The following KSR1 variants were observed in gnomAD, a reference collection of about 807,000 sequenced individuals.
KSR1 encodes the protein kinase suppressor of ras 1.
KSR1 carries 35 observed loss-of-function variants against 92.9 expected under a neutral mutation model. That is an observed-to-expected ratio of 0.38 (90% CI 0.29 to 0.50). KSR1 has a LOEUF of 0.50. Among genes scored for constraint, KSR1 ranks in the 20% least tolerant of loss-of-function variants. The pLI, the probability that KSR1 is intolerant of heterozygous loss-of-function variation, is 0.94. For missense variants in KSR1, 972 were observed against 1,158.5 expected (o/e 0.84, Z 2.34); for synonymous variants, 467 against 472.6 (o/e 0.99, Z 0.15).
At chr17:27,499,461 GAATTC>G (rs2150977480) in intron 1 of KSR1, among the ~76,000 whole-genome samples, 1 of 152,322 alleles carries the variant, frequency 6.6e-6, no homozygotes, top group South Asian at 2.1e-4. Flanking sequence ...AGGAAAACGT[GAATTC>G]CAGAAACTAT....
intron 1 of KSR1, among the ~76,000 whole-genome samples, chr17:27,508,439 A>C (rs1717557255): frequency 6.6e-6 from 1 of 152,180 alleles, no homozygotes; most frequent in African/African-American, 2.4e-5. Context: ...TCAAGGGCCT[A>C]AGTTGTAACA....
Position 27,605,800 on chromosome 17 carries a change from G to A in KSR1, c.1981G>A (p.Ala661Thr). ...MGACMNPPHL[A>T]IITSFCKGRT... ...GGCCTGCATGAACCCGCCCCACCTG[G>A]CCATTATCACCAGGTAACCAAGCCC... The change falls in exon 14 of 21, where the codon GCC (alanine) becomes ACC (threonine). Residue 661 changes from alanine to threonine, a missense_variant. Around this residue, in one of 5 missense-constraint regions of KSR1, gnomAD observed 260 missense variants for 375.2 expected, o/e 0.69. Transcript: ENST00000644974. 1 of 1,612,546 alleles carries A rather than the reference G, an allele frequency of 6.2e-7. No homozygotes were observed. Among genetic ancestry groups the A allele is most frequent in the Non-Finnish European group, 8.5e-7 (1 of 1,179,764 alleles).
At chr17:27,492,916 C>T (rs957579997) in intron 1 of KSR1, among the ~76,000 whole-genome samples, 9 of 152,174 alleles carry the variant, frequency 5.9e-5, no homozygotes, top group Admixed American at 2.0e-4. Flanking sequence ...TGGTGTTATA[C>T]ACTTAGTACT....
intron 1 of KSR1, among the ~76,000 whole-genome samples, chr17:27,534,017 G>T (rs2070658602): frequency 6.6e-6 from 1 of 152,238 alleles, no homozygotes; most frequent in South Asian, 2.1e-4. Flanking sequence ...CTGGAGAGTA[G>T]CTCCCCTTGC....
At chr17:27,591,897 G>A (rs548458566) in intron 7 of KSR1, among the ~76,000 whole-genome samples, 83 of 152,350 alleles carry the variant, frequency 5.4e-4, no homozygotes, top group African/African-American at 1.9e-3. Context: ...ATCCTGGCCC[G>A]GGGCTGACCC....
At chr17:27,520,951 G>A (rs1301393680) in intron 1 of KSR1, among the ~76,000 whole-genome samples, 1 of 152,238 alleles carries the variant, frequency 6.6e-6, no homozygotes, top group African/African-American at 2.4e-5. Context: ...CAGACAGCAG[G>A]CACTATGGGC....
At chr17:27,520,805 C>T (rs1046563700) in intron 1 of KSR1, among the ~76,000 whole-genome samples, 1 of 152,236 alleles carries the variant, frequency 6.6e-6, no homozygotes, top group Non-Finnish European at 1.5e-5. Context: ...AGGGGTGCTG[C>T]CTTCCCCCTT....
intron 1 of KSR1, among the ~76,000 whole-genome samples, chr17:27,462,744 G>C (rs2150903196): frequency 1.3e-5 from 2 of 152,324 alleles, no homozygotes; most frequent in East Asian, 1.9e-4. Context: ...GAAAGTACTA[G>C]ATGTACAACA....
chr17:27,611,575 C>T lies in KSR1; in HGVS notation c.2439C>T (p.Ser813=), dbSNP rs748666469. Residue 813 remains serine (S), a synonymous_variant, in exon 18 of 21, where the codon AGC becomes AGT. Coordinates refer to ENST00000644974, the MANE Select transcript of KSR1 (RefSeq NM_001394583.1). Reference sequence around the variant, plus strand: ...AGGCATCCATCTGGCAGATTGGAAGCGGGGAAGGAATGAAGCGTGTCCTGA... The same window carrying T: ...AGGCATCCATCTGGCAGATTGGAAGTGGGGAAGGAATGAAGCGTGTCCTGA... ...AAEASIWQIG[S]GEGMKRVLTS... The T allele has an allele frequency of 1.2e-5, 19 of 1,613,698 alleles. No homozygotes were observed. The East Asian group carries it at 2.7e-4, about 23-fold the overall frequency.
chr17:27,543,456 G>A (rs2071039353), intron 1 of KSR1, among the ~76,000 whole-genome samples: 1 of 152,172 alleles, frequency 6.6e-6, no homozygotes, highest in South Asian at 2.1e-4. Flanking sequence ...TGTTCCTGGG[G>A]ATCCCTGCAG....
chr17:27,583,801 C>T (rs1358958554), intron 4 of KSR1, among the ~76,000 whole-genome samples: 1 of 152,178 alleles, frequency 6.6e-6, no homozygotes, highest in Non-Finnish European at 1.5e-5. Context: ...ACAAATTTTT[C>T]TATCTATATA....
At chr17:27,549,654 C>A (rs979930495) in intron 1 of KSR1, among the ~76,000 whole-genome samples, 3 of 152,186 alleles carry the variant, frequency 2.0e-5, no homozygotes, top group African/African-American at 7.2e-5. Context: ...GCATACATTT[C>A]AGGGTGTGGA....
At position 27,621,186 on chromosome 17, in the gene KSR1, C is replaced by T. The variant is rs555037417; in HGVS notation, c.2628-7C>T. On this transcript the variant is annotated splice_polypyrimidine_tract_variant and splice_region_variant and intron_variant, in intron 19 of 20. Coordinates refer to ENST00000644974, the MANE Select transcript of KSR1 (RefSeq NM_001394583.1). ...CGCCTGGTGGAATGGTCGCTGGGCA[C>T]TCCCAGTCGCTGGAGGAGCCGCTAC... 3.3e-4 allele frequency: 131 copies of T among 398,698 alleles called. No individual in the cohort carries two copies. Among genetic ancestry groups the T allele is most frequent in the African/African-American group, 2.4e-3 (118 of 48,764 alleles). The allele number at this position is 398,698 out of a possible 1,614,324, so 24.7% of individuals were successfully genotyped here.
rs149932341 is a variant in KSR1, at chr17:27,466,523, G to C, written c.231+9649G>C. On this transcript the variant is annotated intron_variant, in intron 1 of 20. Coordinates refer to ENST00000644974, the MANE Select transcript of KSR1 (RefSeq NM_001394583.1). ...CCTGGGTGCATTTAGTTGGTGTTAA[G>C]GGCATGGTCTGCTCAGTGTCTACCA... 4.4e-3 allele frequency among the ~76,000 whole-genome samples: 664 copies of C among 152,276 alleles called. 2 individuals are homozygous for C. Among genetic ancestry groups the C allele is most frequent in the African/African-American group, 0.015 (619 of 41,548 alleles).
rs182609905 is a variant in KSR1, at chr17:27,529,356, T to C, written c.232-21212T>C. On this transcript the variant is annotated intron_variant, in intron 1 of 20. Coordinates refer to ENST00000644974, the MANE Select transcript of KSR1 (RefSeq NM_001394583.1). ...ATGTAGTTACCTACTTCCCCATGTT[T>C]GGCTATTTTAAGTTACACTTCCGTG... is the stretch of plus-strand genomic sequence containing the variant. 1.6e-4 allele frequency among the ~76,000 whole-genome samples: 24 copies of C among 152,372 alleles called. No homozygotes were observed. In the East Asian group the frequency reaches 4.0e-3, roughly 26 times the overall value.
At chr17:27,540,046 C>T (rs2070899739) in intron 1 of KSR1, among the ~76,000 whole-genome samples, 2 of 152,188 alleles carry the variant, frequency 1.3e-5, no homozygotes, top group African/African-American at 4.8e-5. Context: ...CTTTGCATTT[C>T]CCAGGAAGCA....
At chr17:27,522,220 CA>C (rs2070063682) in intron 1 of KSR1, among the ~76,000 whole-genome samples, 1 of 152,076 alleles carries the variant, frequency 6.6e-6, no homozygotes, top group Non-Finnish European at 1.5e-5. Flanking sequence ...GCACTTGGGG[CA>C]AGTTGACATG....
Position 27,614,785 on chromosome 17 carries a change from T to TGG in KSR1, c.2494-2507_2494-2506dup, listed in dbSNP as rs1159924149. On this transcript the variant is annotated intron_variant, in intron 18 of 20. Coordinates refer to ENST00000644974, the MANE Select transcript of KSR1 (RefSeq NM_001394583.1). Reference sequence around the variant, plus strand: ...CAGTGTGGGATCAGGGCGTGGGGAGTGGGGAGAGAGCAGATGCTCCGGCAG... The same window carrying TGG: ...CAGTGTGGGATCAGGGCGTGGGGAGTGGGGGGAGAGAGCAGATGCTCCGGCAG... Among the ~76,000 whole-genome samples, 6 of 151,774 alleles carry TGG rather than the reference T, an allele frequency of 4.0e-5. No individual in the cohort carries two copies. In the East Asian group the frequency reaches 1.2e-3, roughly 29 times the overall value.
chr17:27,537,242 C>G (rs2070783373), intron 1 of KSR1, among the ~76,000 whole-genome samples: 1 of 152,218 alleles, frequency 6.6e-6, no homozygotes, highest in African/African-American at 2.4e-5. Context: ...TTCCATATCT[C>G]CAGCTCGTGG....
Sources: allele counts gnomAD v4.1 joint callset (sites outside exome capture counted in the v4.1 genomes callset), GRCh38; gene constraint gnomAD v4.1.1; regional missense constraint gnomAD v4.1.1; transcripts MANE v1.5; gene names NCBI Gene and HGNC (gene_info 2026-07-23, HGNC 2026-07-21).